SCFD2: variants seen among roughly 807,000 people sequenced by gnomAD.
SCFD2 encodes the protein sec1 family domain-containing protein 2.
A neutral mutation model predicts 58.9 loss-of-function variants in SCFD2; 54 were observed. That is an observed-to-expected ratio of 0.92 (90% CI 0.74 to 1.15). The LOEUF is 1.15. SCFD2 is among the 50% of genes most tolerant of loss of function. SCFD2 has a pLI of 0.00. For synonymous variants in SCFD2, 321 were observed against 335.9 expected, an observed-to-expected ratio of 0.96 and a Z score of 0.49; for missense variants, 805 against 836.6, an observed-to-expected ratio of 0.96 and a Z score of 0.47.
chr4:52,915,566 T>C (rs886863840), intron 6 of SCFD2, among the ~76,000 whole-genome samples: 1 of 152,186 alleles, frequency 6.6e-6, no homozygotes, highest in Non-Finnish European at 1.5e-5. Flanking sequence ...TTAAAAATGG[T>C]TCATTTGTCT....
chr4:53,292,325 A>G (rs1037782269), intron 3 of SCFD2, among the ~76,000 whole-genome samples: 1 of 152,194 alleles, frequency 6.6e-6, no homozygotes, highest in Non-Finnish European at 1.5e-5. Flanking sequence ...TAATATACAG[A>G]GTCTACAAGG....
At chr4:53,007,699 G>A (rs1011046119) in intron 5 of SCFD2, among the ~76,000 whole-genome samples, 1 of 152,184 alleles carries the variant, frequency 6.6e-6, no homozygotes, top group Non-Finnish European at 1.5e-5. Context: ...CTCTATCAAA[G>A]TTTGATAACT....
At chr4:52,896,718 G>A (rs890991147) in intron 7 of SCFD2, among the ~76,000 whole-genome samples, 6 of 152,178 alleles carry the variant, frequency 3.9e-5, no homozygotes, top group South Asian at 2.1e-4. Context: ...GTAGCTTGAT[G>A]GGGATGACAT....
intron 5 of SCFD2, among the ~76,000 whole-genome samples, chr4:53,131,514 G>A (rs536522477): frequency 9.8e-5 from 15 of 152,302 alleles, no homozygotes; most frequent in Admixed American, 2.6e-4. Context: ...TAGTACTGAG[G>A]AAGAGCTGAT....
intron 1 of SCFD2, among the ~76,000 whole-genome samples, chr4:53,361,603 C>T (rs957989403): frequency 6.6e-6 from 1 of 152,104 alleles, no homozygotes; most frequent in Non-Finnish European, 1.5e-5. Context: ...TACTCTGTTG[C>T]CCAGGCTGTT....
intron 5 of SCFD2, among the ~76,000 whole-genome samples, chr4:53,063,753 C>A (rs1256685493): frequency 6.6e-6 from 1 of 152,144 alleles, no homozygotes; most frequent in African/African-American, 2.4e-5. Flanking sequence ...CAAGCTCTCT[C>A]CATGCTAAAT....
At chr4:53,071,199 G>A (rs1723804383) in intron 5 of SCFD2, among the ~76,000 whole-genome samples, 1 of 152,124 alleles carries the variant, frequency 6.6e-6, no homozygotes, top group South Asian at 2.1e-4. Context: ...AGCAAGAGAG[G>A]AGGAGCTTCA....
At chr4:52,959,145 C>T (rs1448001448) in intron 5 of SCFD2, among the ~76,000 whole-genome samples, 2 of 152,150 alleles carry the variant, frequency 1.3e-5, no homozygotes, top group Non-Finnish European at 1.5e-5. Flanking sequence ...TATGATGCCT[C>T]TTACAAGACA....
chr4:53,189,719 A>G (rs1477538867), intron 4 of SCFD2, among the ~76,000 whole-genome samples: 5 of 152,200 alleles, frequency 3.3e-5, no homozygotes, highest in Non-Finnish European at 5.9e-5. Context: ...AGACACAAAC[A>G]TTCAGTGCAT....
At chr4:53,293,275 A>G (rs28765170) in intron 3 of SCFD2, among the ~76,000 whole-genome samples, 105,866 of 151,818 alleles carry the variant, frequency 0.7, 37,085 homozygotes, top group Middle Eastern at 0.79. Flanking sequence ...GATGCAGCAA[A>G]GGGAACAACA....
intron 4 of SCFD2, among the ~76,000 whole-genome samples, chr4:53,211,324 C>G (rs1212774312): frequency 6.6e-6 from 1 of 151,992 alleles, no homozygotes; most frequent in Non-Finnish European, 1.5e-5. Flanking sequence ...AGGATGCACA[C>G]CCAGGGTGGG....
At chr4:53,251,430 A>C (rs1011147431) in intron 4 of SCFD2, among the ~76,000 whole-genome samples, 7 of 152,232 alleles carry the variant, frequency 4.6e-5, no homozygotes, top group Non-Finnish European at 1.0e-4. Context: ...GACACAACAA[A>C]AAAAGAGAAT....
At chr4:53,363,626 G>C (rs1418993893) in intron 1 of SCFD2, among the ~76,000 whole-genome samples, 1 of 152,044 alleles carries the variant, frequency 6.6e-6, no homozygotes, top group Non-Finnish European at 1.5e-5. Flanking sequence ...GCGAGGTCAG[G>C]AGATCGAGAC....
chr4:53,253,183 A>T (rs1250174614), intron 4 of SCFD2, among the ~76,000 whole-genome samples: 1 of 152,268 alleles, frequency 6.6e-6, no homozygotes, highest in Non-Finnish European at 1.5e-5. Flanking sequence ...TCAAAACCAC[A>T]ATGAGATACT....
intron 5 of SCFD2, among the ~76,000 whole-genome samples, chr4:53,001,225 C>A (rs1168236363): frequency 3.3e-5 from 5 of 152,116 alleles, no homozygotes; most frequent in Non-Finnish European, 7.4e-5. Flanking sequence ...AGATGTCTCC[C>A]ACAAAGGGAG....
intron 5 of SCFD2, among the ~76,000 whole-genome samples, chr4:53,014,575 T>C (rs1722167672): frequency 6.6e-6 from 1 of 152,242 alleles, no homozygotes; most frequent in Admixed American, 6.5e-5. Context: ...AAGAACCTCA[T>C]AGGCACAACC....
chr4:53,087,684 G>A (rs1724350443), intron 5 of SCFD2, among the ~76,000 whole-genome samples: 1 of 138,358 alleles, frequency 7.2e-6, no homozygotes, highest in Non-Finnish European at 1.5e-5. Context: ...TTTTGAGACG[G>A]AGTCTCGCTG....
chr4:52,999,966 CTATT>C (rs1055104472), intron 5 of SCFD2, among the ~76,000 whole-genome samples: 1 of 152,202 alleles, frequency 6.6e-6, no homozygotes, highest in African/African-American at 2.4e-5. Flanking sequence ...CTCCTGTGGT[CTATT>C]TATTTACCTG....
intron 4 of SCFD2, among the ~76,000 whole-genome samples, chr4:53,235,460 C>T (rs975973964): frequency 1.3e-5 from 2 of 152,216 alleles, no homozygotes; most frequent in Non-Finnish European, 2.9e-5. Context: ...GAAGATTCTA[C>T]ATTTGAGGAC....
Sources: gnomAD v4.1 joint callset for allele counts (sites outside exome capture counted in the v4.1 genomes callset) on GRCh38, gnomAD v4.1.1 for gene constraint, MANE v1.5 for transcripts, NCBI Gene and HGNC (gene_info 2026-07-23, HGNC 2026-07-21) for gene names.